COL4A2: variants seen among roughly 807,000 people sequenced by gnomAD.
The protein encoded by COL4A2 is collagen type IV alpha 2 chain.
COL4A2 carries 99 observed loss-of-function variants against 200.2 expected under a neutral mutation model. The ratio of observed to expected loss-of-function variants is 0.49; its 90% CI spans 0.42 to 0.58. COL4A2 has a LOEUF of 0.58. Ranked by LOEUF, COL4A2 falls within the 20% of genes least tolerant of loss-of-function variation. The probability of loss-of-function intolerance (pLI) is 0.00; values close to 1 mark genes in which losing one functional copy is unlikely to be tolerated. For synonymous variants in COL4A2, 897 were observed against 900.6 expected (o/e 1.00, Z 0.07); for missense variants, 1,950 against 2,314.1 (o/e 0.84, Z 3.23).
At chr13:110,310,648 A>G (rs1478502964) in intron 3 of COL4A2, among the ~76,000 whole-genome samples, 1 of 152,164 alleles carries the variant, frequency 6.6e-6, no homozygotes, top group African/African-American at 2.4e-5. Context: ...GTATTGATTA[A>G]AGATTTTTCT....
chr13:110,311,052 G>A (rs1884967303), intron 3 of COL4A2, among the ~76,000 whole-genome samples: 1 of 152,188 alleles, frequency 6.6e-6, no homozygotes, highest in African/African-American at 2.4e-5. Context: ...GTCTCCTGGG[G>A]TGTGGGTGCT....
intron 21 of COL4A2, chr13:110,457,749 T>G: frequency 2.0e-6 from 1 of 512,240 alleles, no homozygotes; most frequent in Non-Finnish European, 3.9e-6. Context: ...AGTTATTTCT[T>G]AGGCTGCACT....
rs1388143812 is a variant in COL4A2 at position 110,480,337 on chromosome 13, G to C, written c.2705G>C (p.Gly902Ala). 9 of 1,613,724 alleles carry C rather than the reference G, an allele frequency of 5.6e-6. No homozygotes were observed. In the Admixed American group the frequency reaches 1.5e-4, roughly 27 times the overall value. Residue 902 changes from glycine to alanine, a missense_variant, in exon 31 of 48, where the codon GGA becomes GCA. Physicochemically the swap from Gly to Ala is moderately conservative, Grantham distance 60 (BLOSUM62 0). Around this residue, in one of 2 missense-constraint regions of COL4A2, gnomAD observed 1,385 missense variants for 1,720.5 expected, o/e 0.80. Transcript: ENST00000360467. ...TTCACAGGGGAGCAAGGCCATCCAG[G>C]AAGCCCTGGATTTAAAGGAATTGAT... ...AGFTGEQGHP[G>A]SPGFKGIDGM... is the part of the protein sequence containing the mutation.
At chr13:110,389,653 T>C (rs887907416) in intron 4 of COL4A2, among the ~76,000 whole-genome samples, 5 of 152,186 alleles carry the variant, frequency 3.3e-5, no homozygotes, top group African/African-American at 1.2e-4. Flanking sequence ...CTCTGTGCAC[T>C]CTCACGAGCA....
intron 6 of COL4A2, among the ~76,000 whole-genome samples, chr13:110,427,324 A>G (rs1014881610): frequency 2.6e-5 from 4 of 151,928 alleles, no homozygotes; most frequent in Non-Finnish European, 5.9e-5. Context: ...TAATTTTTGT[A>G]TTTTTAGTAG....
intron 20 of COL4A2, chr13:110,456,695 C>T: frequency 2.2e-6 from 1 of 464,326 alleles, no homozygotes; most frequent in Non-Finnish European, 4.5e-6. Context: ...CCACCCTGGG[C>T]TGGGTGGGAC....
intron 18 of COL4A2, among the ~76,000 whole-genome samples, chr13:110,447,791 G>C (rs1417192777): frequency 6.6e-6 from 1 of 152,166 alleles, no homozygotes; most frequent in African/African-American, 2.4e-5. Flanking sequence ...GTGAAGGGTA[G>C]GGTTTTTTAA....
chr13:110,392,796 A>T (rs540895959), intron 4 of COL4A2, among the ~76,000 whole-genome samples: 59 of 152,300 alleles, frequency 3.9e-4, no homozygotes, highest in African/African-American at 1.3e-3. Flanking sequence ...CTCCTCTTTA[A>T]CTATAAATTA....
At chr13:110,461,824 C>T (rs1215638554) in intron 22 of COL4A2, among the ~76,000 whole-genome samples, 1 of 152,164 alleles carries the variant, frequency 6.6e-6, no homozygotes, top group Non-Finnish European at 1.5e-5. Context: ...AGTGAATCAC[C>T]GCGCCCGGCC....
intron 3 of COL4A2, among the ~76,000 whole-genome samples, chr13:110,330,548 C>T (rs1030770816): frequency 6.6e-6 from 1 of 152,200 alleles, no homozygotes; most frequent in African/African-American, 2.4e-5. Flanking sequence ...TAAACCTCCT[C>T]AGGCCAGTAT....
chr13:110,489,486 G>A lies in COL4A2; in HGVS notation c.3249G>A (p.Glu1083=). ...CAGGGAGAGCAGGCCTGTATGGCGA[G>A]ATTGGCGCGACTGGTGATTTCGGTG... ...GAPGRAGLYG[E]IGATGDFGDI... Residue 1083 remains glutamate, a synonymous_variant, in exon 35 of 48, where the codon GAG becomes GAA. Transcript: ENST00000360467. 1 of 1,614,230 alleles carries A rather than the reference G, an allele frequency of 6.2e-7. No homozygotes were observed. The highest frequency in any genetic ancestry group is 8.5e-7 in the Non-Finnish European group (1 of 1,180,046).
chr13:110,336,080 C>T (rs902810213), intron 3 of COL4A2, among the ~76,000 whole-genome samples: 1 of 152,216 alleles, frequency 6.6e-6, no homozygotes, highest in Non-Finnish European at 1.5e-5. Context: ...CAAAAATTTG[C>T]CTCTATGTAT....
At chr13:110,385,122 C>T (rs947557949) in intron 4 of COL4A2, among the ~76,000 whole-genome samples, 24 of 152,138 alleles carry the variant, frequency 1.6e-4, no homozygotes, top group Non-Finnish European at 2.2e-4. Flanking sequence ...ATTAGCCAGG[C>T]GCAGTGGCGG....
chr13:110,344,639 A>T (rs989456684), intron 3 of COL4A2, among the ~76,000 whole-genome samples: 1 of 152,184 alleles, frequency 6.6e-6, no homozygotes, highest in Non-Finnish European at 1.5e-5. Flanking sequence ...ATGGAACTCT[A>T]TACGAGACCC....
intron 45 of COL4A2, among the ~76,000 whole-genome samples, chr13:110,505,183 T>A (rs1469133247): frequency 6.6e-6 from 1 of 151,300 alleles, no homozygotes; most frequent in African/African-American, 2.4e-5. Context: ...ACCCCGTCTC[T>A]ACTAAAAATA....
intron 4 of COL4A2, among the ~76,000 whole-genome samples, chr13:110,364,849 C>G (rs975939610): frequency 1.3e-5 from 2 of 152,136 alleles, no homozygotes; most frequent in Admixed American, 6.5e-5. Context: ...TAGGCACATG[C>G]AGCTATTTCA....
intron 15 of COL4A2, 133 bp downstream of exon 15, chr13:110,438,801 C>G (rs988065395): frequency 6.7e-5 from 53 of 786,822 alleles, no homozygotes; most frequent in Non-Finnish European, 9.9e-5. Flanking sequence ...TATTACTCCC[C>G]ACCCCCCCCC....
At chr13:110,493,427 A>C (rs1411765645) in intron 39 of COL4A2, 145 bp downstream of exon 39, 10 of 787,692 alleles carry the variant, frequency 1.3e-5, no homozygotes, top group Non-Finnish European at 2.0e-5. Flanking sequence ...ATCGGCCGTG[A>C]GGGGCGGGTC....
intron 45 of COL4A2, among the ~76,000 whole-genome samples, chr13:110,505,166 C>G (rs61970344): frequency 8.6e-5 from 13 of 151,150 alleles, no homozygotes; most frequent in Admixed American, 2.0e-4. Context: ...CTGGCTAACA[C>G]GGTGAAACCC....
Sources: gnomAD v4.1 joint callset for allele counts (sites outside exome capture counted in the v4.1 genomes callset) on GRCh38, gnomAD v4.1.1 for gene constraint, gnomAD v4.1.1 regional missense constraint, MANE v1.5 for transcripts, NCBI Gene and HGNC (gene_info 2026-07-23, HGNC 2026-07-21) for gene names.